ENPP7: variants seen among roughly 807,000 people sequenced by gnomAD.
ENPP7 encodes ectonucleotide pyrophosphatase/phosphodiesterase 7.
Under a neutral mutation model 33.6 loss-of-function variants are expected in ENPP7, and 39 were observed. The observed-to-expected ratio is 1.16, with a 90% CI of 0.90 to 1.52. The LOEUF is 1.52. Among genes scored for constraint, ENPP7 ranks in the 40% most tolerant of loss-of-function variants. ENPP7 has a pLI of 0.00. For synonymous variants in ENPP7, 244 were observed against 274.3 expected (o/e 0.89, Z 1.09); for missense variants, 594 against 641.0 (o/e 0.93, Z 0.79).
rs372894334 is a variant in ENPP7, at chr17:79,735,206, T to G, written c.563T>G (p.Leu188Arg). 2 of 1,613,352 alleles carry G rather than the reference T, an allele frequency of 1.2e-6. No homozygotes were observed. The highest frequency in any genetic ancestry group is 1.7e-6 in the Non-Finnish European group (2 of 1,180,004). ...TVMAWFTEED[L>R]DLVTLYFGEP... ...ATGGCGTGGTTCACAGAGGAGGACC[T>G]GGATCTGGTCACACTCTACTTCGGG... Residue 188 changes from leucine (L) to arginine (R), a missense_variant, in exon 3 of 6, where the codon CTG becomes CGG. Coordinates refer to ENST00000328313, the MANE Select transcript of ENPP7 (RefSeq NM_178543.5). This position sits in a 1 kb window ranked among gnomAD's most constrained non-coding sequence, Gnocchi z 5.5.
Position 79,735,272 on chromosome 17 carries a change from CGGAGAGGA to C in ENPP7, c.632_639del (p.Glu211GlyfsTer48). ...GGCCACAGGTACGGCCCCGAGTCCC[CGGAGAGGA>C]GGGAGATGGTGCGGCAGGTGGACCG... On this transcript the variant is annotated frameshift_variant, in exon 3 of 6. Transcript: ENST00000328313. LOFTEE classifies it high-confidence loss of function. The surrounding 1 kb of genome is among the most constrained non-coding windows in gnomAD (Gnocchi z 5.5). 6.2e-7 allele frequency: 1 copy of C among 1,613,460 alleles called. No homozygotes were observed. Among genetic ancestry groups the C allele is most frequent in the South Asian group, 1.1e-5 (1 of 91,080 alleles).
At chr17:79,732,141 T>TATATACATATATACAC (rs2094287463) in intron 1 of ENPP7, among the ~76,000 whole-genome samples, 1 of 54,546 alleles carries the variant, frequency 1.8e-5, no homozygotes, top group Non-Finnish European at 3.2e-5. Context: ...TGTATATATA[T>TATATACATATATACAC]ATATATATAC....
chr17:79,735,111 G>C lies in ENPP7; in HGVS notation c.468G>C (p.Arg156=), dbSNP rs1555823224. ...NVTYQGVAVT[R]SRKEGIAHNY... is the part of the protein sequence containing the mutation. ...CCTACCAAGGGGTGGCTGTGACGCG[G>C]AGCCGGAAAGAAGGCATCGCACACA... Residue 156 remains arginine (R), a synonymous_variant, in exon 3 of 6, where the codon CGG becomes CGC. Transcript: ENST00000328313. The surrounding 1 kb of genome is among the most constrained non-coding windows in gnomAD (Gnocchi z 5.5). 2.5e-6 allele frequency: 4 copies of C among 1,612,968 alleles called. No individual in the cohort carries two copies. The highest frequency in any genetic ancestry group is 3.4e-6 in the Non-Finnish European group (4 of 1,180,042).
At chr17:79,733,214 C>T (rs546814134) in intron 1 of ENPP7, among the ~76,000 whole-genome samples, 8 of 152,224 alleles carry the variant, frequency 5.3e-5, no homozygotes, top group South Asian at 2.1e-4. Flanking sequence ...TCCCTGCACA[C>T]GCATTCGTGC....
rs1342957339 is a variant in ENPP7 at position 79,739,696 on chromosome 17, G to GCT, written c.*16+1634_*16+1635insCT. On this transcript the variant is annotated intron_variant, in intron 5 of 5. Transcript: ENST00000328313. The surrounding 1 kb of genome is among the most constrained non-coding windows in gnomAD (Gnocchi z 4.4). ...ACGCGGCCACGTGCAGCTGTTCCTG[G>GCT]GCACAGGTTGTGCAGATGAGTCCAC... 2 of 152,282 alleles carry GCT rather than the reference G, an allele frequency of 1.3e-5. No individual in the cohort carries two copies. The highest frequency in any genetic ancestry group is 1.3e-4 in the Admixed American group (2 of 15,284). The allele number at this position is 152,282 out of a possible 1,614,324, so 9.4% of individuals were successfully genotyped here.
chr17:79,736,754 C>T (rs781903406), intron 3 of ENPP7, among the ~76,000 whole-genome samples: 26 of 152,332 alleles, frequency 1.7e-4, no homozygotes, highest in African/African-American at 5.8e-4. Flanking sequence ...TGGGAGGCAG[C>T]GTTCAACACC....
chr17:79,742,014 G>A lies in ENPP7; in HGVS notation c.*237G>A, dbSNP rs1234244269. On this transcript the variant is annotated 3_prime_UTR_variant, in exon 6 of 6. Coordinates refer to ENST00000328313, the MANE Select transcript of ENPP7 (RefSeq NM_178543.5). ...GAGCCGGTCCCATAACCGGCCCCCT[G>A]CCCCTGCCCCTGCTCCTGCTCCTCC... 4.8e-6 allele frequency: 4 copies of A among 838,318 alleles called. No individual in the cohort carries two copies. The highest frequency in any genetic ancestry group is 5.8e-6 in the Non-Finnish European group (4 of 694,314). 51.9% of individuals were successfully genotyped at this position (838,318 alleles called of 1,614,324 possible).
chr17:79,731,125 T>C lies in ENPP7; in HGVS notation c.-15T>C. The C allele has an allele frequency of 6.2e-7, 1 of 1,601,466 alleles. No homozygotes were observed. Among genetic ancestry groups the C allele is most frequent in the Non-Finnish European group, 8.5e-7 (1 of 1,176,150 alleles). On this transcript the variant is annotated 5_prime_UTR_variant, in exon 1 of 6. Coordinates refer to ENST00000328313, the MANE Select transcript of ENPP7 (RefSeq NM_178543.5). ...CCTGTGCACCCTGTGTGCCTGTCCA[T>C]CTGGAAGGCCCAGCATGAGAGGCCC...
At chr17:79,736,105 A>C (rs981095229) in intron 3 of ENPP7, among the ~76,000 whole-genome samples, 25 of 152,214 alleles carry the variant, frequency 1.6e-4, no homozygotes, top group African/African-American at 6.0e-4. Flanking sequence ...GAGTTTCACC[A>C]TGTTGGCCAG....
At chr17:79,732,964 G>A (rs2094289129) in intron 1 of ENPP7, among the ~76,000 whole-genome samples, 2 of 152,150 alleles carry the variant, frequency 1.3e-5, no homozygotes, top group African/African-American at 2.4e-5. Flanking sequence ...AGATGAGGAC[G>A]GGAGGGACCT....
intron 1 of ENPP7, among the ~76,000 whole-genome samples, chr17:79,732,149 T>TATATATATATATATATATATATATAC (rs1171801654): frequency 5.9e-5 from 2 of 34,156 alleles, no homozygotes; most frequent in African/African-American, 2.0e-4. Flanking sequence ...TATATATATA[T>TATATATATATATATATATATATATAC]ACACACACAT....
intron 5 of ENPP7, 88 bp from the exon 6 acceptor site, chr17:79,741,706 C>A: frequency 2.9e-6 from 2 of 682,128 alleles, no homozygotes; most frequent in Non-Finnish European, 3.6e-6. Flanking sequence ...AGTCCAGCCG[C>A]ACCGCTGCTT....
rs1167142924 is a variant in ENPP7 at position 79,735,075 on chromosome 17, C to T, written c.432C>T (p.Gly144=). Reference sequence around the variant, plus strand: ...GGGCTGGCTCCTTCTTCTACCCGGGCGGGAACGTCACCTACCAAGGGGTGG... The same window carrying T: ...GGGCTGGCTCCTTCTTCTACCCGGGTGGGAACGTCACCTACCAAGGGGTGG... The part of the protein sequence containing the change: ...GLRAGSFFYP[G]GNVTYQGVAV... The change falls in exon 3 of 6, where the codon GGC becomes GGT. Residue 144 remains glycine, a synonymous_variant. Transcript: ENST00000328313. The surrounding 1 kb of genome is among the most constrained non-coding windows in gnomAD (Gnocchi z 5.5). The T allele has an allele frequency of 8.1e-6, 13 of 1,612,824 alleles. No individual in the cohort carries two copies. Among genetic ancestry groups the T allele is most frequent in the Admixed American group, 1.7e-5 (1 of 59,994 alleles).
chr17:79,732,508 G>T (rs2094288403), intron 1 of ENPP7, among the ~76,000 whole-genome samples: 1 of 152,032 alleles, frequency 6.6e-6, no homozygotes, highest in African/African-American at 2.4e-5. Flanking sequence ...CAAACCCAGG[G>T]CATTGCAGGG....
In ENPP7 at chr17:79,738,356, C is replaced by G. The variant is rs527541830; in HGVS notation, c.*16+294C>G. The G allele has an allele frequency of 5.5e-4, 188 of 342,864 alleles. 1 individual carries two copies. The highest frequency in any genetic ancestry group is 8.8e-4 in the Non-Finnish European group (159 of 181,632). 21.2% of individuals were successfully genotyped at this position (342,864 alleles called of 1,614,324 possible). On this transcript the variant is annotated intron_variant, in intron 5 of 5. Transcript: ENST00000328313. This position sits in a 1 kb window ranked among gnomAD's most constrained non-coding sequence, Gnocchi z 6.2. ...AGCCAGAACTCCCTCAGCCTCTGGC[C>G]AGAGCTGCTGCCTCCCCTCCTTCCT...
rs1341011323 is a variant in ENPP7, at chr17:79,737,742, T to C, written c.1247-174T>C. Among the ~76,000 whole-genome samples, 2 of 152,058 alleles carry C rather than the reference T, an allele frequency of 1.3e-5. No homozygotes were observed. The highest frequency in any genetic ancestry group is 2.9e-5 in the Non-Finnish European group (2 of 67,992). Reference sequence around the variant, plus strand: ...GGGGCCTGGCTGGAGAGGGGTGGGCTCTACTGAGCAGGGCTATGAAGGGCC... The same window carrying C: ...GGGGCCTGGCTGGAGAGGGGTGGGCCCTACTGAGCAGGGCTATGAAGGGCC... On this transcript the variant is annotated intron_variant, in intron 4 of 5. Coordinates refer to ENST00000328313, the MANE Select transcript of ENPP7 (RefSeq NM_178543.5). The surrounding 1 kb of genome is among the most constrained non-coding windows in gnomAD (Gnocchi z 5.5).
chr17:79,731,415 G>A, intron 1 of ENPP7, 23 bp downstream of exon 1: 1 of 1,592,674 alleles, frequency 6.3e-7, no homozygotes. Flanking sequence ...CTGTGACGGG[G>A]CCTGGGGGTG....
In ENPP7 at chr17:79,741,972, G is replaced by A. The variant is rs1030407099; in HGVS notation, c.*195G>A. On this transcript the variant is annotated 3_prime_UTR_variant, in exon 6 of 6. Coordinates refer to ENST00000328313, the MANE Select transcript of ENPP7 (RefSeq NM_178543.5). ...TGCTGGTAATAAGCCTCGCAGCCCA[G>A]GTCCAGAGCCCCCGGCGAGCCGGTC... The A allele has an allele frequency of 3.0e-6, 3 of 985,668 alleles. No homozygotes were observed. Among genetic ancestry groups the A allele is most frequent in the Non-Finnish European group, 3.6e-6 (3 of 830,134 alleles). The allele number at this position is 985,668 out of a possible 1,614,324, so 61.1% of individuals were successfully genotyped here.
chr17:79,735,922 C>T lies in ENPP7; in HGVS notation c.1026+253C>T, dbSNP rs927567324. On this transcript the variant is annotated intron_variant, in intron 3 of 5. Transcript: ENST00000328313. The surrounding 1 kb of genome is among the most constrained non-coding windows in gnomAD (Gnocchi z 5.5). ...GTGTGTGTTTTGTTTTGTTTTGTTTCATTTGAGACAGAGTTTCACTCTTGT... is the reference window on the plus strand; with the variant it reads ...GTGTGTGTTTTGTTTTGTTTTGTTTTATTTGAGACAGAGTTTCACTCTTGT... Among the ~76,000 whole-genome samples the T allele has an allele frequency of 2.0e-5, 3 of 152,008 alleles. No homozygotes were observed. Among genetic ancestry groups the T allele is most frequent in the Non-Finnish European group, 4.4e-5 (3 of 67,958 alleles).
Sources: gnomAD v4.1 joint callset for allele counts (sites outside exome capture counted in the v4.1 genomes callset) on GRCh38, gnomAD v4.1.1 for gene constraint, Gnocchi (gnomAD v3.1) non-coding constraint, MANE v1.5 for transcripts, NCBI Gene and HGNC (gene_info 2026-07-23, HGNC 2026-07-21) for gene names.